The following RFX3 variants were observed in gnomAD, a reference collection of about 807,000 sequenced individuals.
RFX3 encodes the protein transcription factor RFX3.
In RFX3, 14 loss-of-function variants were observed where a neutral mutation model predicts 98.6. The ratio of observed to expected loss-of-function variants is 0.14; its 90% confidence interval spans 0.09 to 0.22. The LOEUF is 0.22. Ranked by LOEUF, RFX3 falls within the 10% of genes least tolerant of loss-of-function variation. The pLI, the probability that RFX3 is intolerant of heterozygous loss-of-function variation, is 1.00. For missense variants in RFX3, 639 were observed against 926.9 expected, an observed-to-expected ratio of 0.69 and a Z score of 4.03; for synonymous variants, 383 against 328.4, an observed-to-expected ratio of 1.17 and a Z score of -1.80.
chr9:3,484,419 G>T (rs1850073293), intron 1 of RFX3, among the ~76,000 whole-genome samples: 1 of 152,188 alleles, frequency 6.6e-6, no homozygotes, highest in Non-Finnish European at 1.5e-5. Context: ...ACAGAGAAAG[G>T]GGTGGGTAGG....
chr9:3,386,333 A>T (rs1839713343), intron 2 of RFX3, among the ~76,000 whole-genome samples: 2 of 152,106 alleles, frequency 1.3e-5, no homozygotes, highest in South Asian at 4.1e-4. Context: ...TAATAATAGT[A>T]AAAAATAATA....
intron 1 of RFX3, among the ~76,000 whole-genome samples, chr9:3,431,866 A>T (rs1190620738): frequency 2.0e-5 from 3 of 152,216 alleles, no homozygotes; most frequent in Non-Finnish European, 4.4e-5. Context: ...TCTAATGCAG[A>T]AGAAAGTGCT....
At chr9:3,388,330 AC>A (rs1223135792) in intron 2 of RFX3, among the ~76,000 whole-genome samples, 1 of 152,120 alleles carries the variant, frequency 6.6e-6, no homozygotes, top group East Asian at 1.9e-4. Context: ...ATCTTACCTT[AC>A]TTGAAGATTG....
At chr9:3,428,700 G>T (rs917975132) in intron 1 of RFX3, among the ~76,000 whole-genome samples, 1 of 152,108 alleles carries the variant, frequency 6.6e-6, no homozygotes, top group Non-Finnish European at 1.5e-5. Context: ...GGTCTTTCTA[G>T]CTATATTTAA....
chr9:3,346,790 G>C (rs1384388672), intron 2 of RFX3, 26 bp from the exon 3 acceptor site: 1 of 1,411,554 alleles, frequency 7.1e-7, no homozygotes, highest in African/African-American at 1.4e-5. Flanking sequence ...TAGGACCTTG[G>C]TAAGAGGTAG....
chr9:3,231,393 A>G (rs1244569021), intron 15 of RFX3, among the ~76,000 whole-genome samples: 2 of 152,120 alleles, frequency 1.3e-5, no homozygotes, highest in Non-Finnish European at 2.9e-5. Context: ...GATCCGCAAA[A>G]TCAGTTCACT....
chr9:3,469,797 G>A (rs556425096), intron 1 of RFX3, among the ~76,000 whole-genome samples: 2 of 150,330 alleles, frequency 1.3e-5, no homozygotes, highest in Admixed American at 1.3e-4. Flanking sequence ...AGTGAGCTGA[G>A]ATCGCGCCAC....
chr9:3,407,244 T>C (rs1182650834), intron 1 of RFX3, among the ~76,000 whole-genome samples: 1 of 152,182 alleles, frequency 6.6e-6, no homozygotes, highest in African/African-American at 2.4e-5. Context: ...TAATAATCAT[T>C]GAAACTTTCT....
intron 6 of RFX3, among the ~76,000 whole-genome samples, chr9:3,289,621 G>A (rs1014663241): frequency 2.0e-5 from 3 of 152,084 alleles, no homozygotes; most frequent in African/African-American, 7.2e-5. Context: ...ACCTCAAATA[G>A]ATGGAGTGCT....
chr9:3,463,975 A>T (rs1315324523), intron 1 of RFX3, among the ~76,000 whole-genome samples: 2 of 152,166 alleles, frequency 1.3e-5, no homozygotes, highest in South Asian at 4.1e-4. Context: ...AATAAAAAAT[A>T]GGGAAATGGT....
At chr9:3,275,357 T>G in intron 9 of RFX3, 143 bp downstream of exon 9, 1 of 477,578 alleles carries the variant, frequency 2.1e-6, no homozygotes, top group Non-Finnish European at 3.7e-6. Flanking sequence ...AGAAGAAAAA[T>G]GAATTTGTTA....
At chr9:3,481,505 T>C (rs1175979454) in intron 1 of RFX3, among the ~76,000 whole-genome samples, 3 of 151,920 alleles carry the variant, frequency 2.0e-5, no homozygotes, top group Non-Finnish European at 4.4e-5. Context: ...AAATCTAATA[T>C]TTAACCTATC....
chr9:3,246,394 G>A (rs1490551571), intron 15 of RFX3, among the ~76,000 whole-genome samples: 3 of 152,090 alleles, frequency 2.0e-5, no homozygotes, highest in Non-Finnish European at 4.4e-5. Flanking sequence ...AGGTTGCTAA[G>A]CCTTCACACT....
At chr9:3,251,149 A>C (rs909958007) in intron 14 of RFX3, among the ~76,000 whole-genome samples, 1 of 147,890 alleles carries the variant, frequency 6.8e-6, no homozygotes, top group Non-Finnish European at 1.5e-5. Flanking sequence ...GTTAAACATT[A>C]TGTTTCTGAA....
chr9:3,482,646 T>C (rs1011711074), intron 1 of RFX3, among the ~76,000 whole-genome samples: 1 of 152,220 alleles, frequency 6.6e-6, no homozygotes. Flanking sequence ...TTACATTTTA[T>C]TCCTTTTTCA....
intron 1 of RFX3, among the ~76,000 whole-genome samples, chr9:3,505,166 TTA>T (rs1816810814): frequency 1.1e-5 from 1 of 94,832 alleles, no homozygotes; most frequent in African/African-American, 4.5e-5. Flanking sequence ...GAAATATATT[TTA>T]TATTCATATA....
At chr9:3,502,455 A>G (rs1194534646) in intron 1 of RFX3, among the ~76,000 whole-genome samples, 1 of 152,204 alleles carries the variant, frequency 6.6e-6, no homozygotes, top group African/African-American at 2.4e-5. Flanking sequence ...AAACTCACTT[A>G]TATATTTCAC....
intron 1 of RFX3, among the ~76,000 whole-genome samples, chr9:3,444,434 G>T (rs1203165191): frequency 2.6e-5 from 4 of 151,510 alleles, no homozygotes; most frequent in Non-Finnish European, 5.9e-5. Flanking sequence ...GTGGGGCAGG[G>T]AGAGGCAAGA....
intron 4 of RFX3, chr9:3,324,277 G>T: frequency 5.0e-6 from 1 of 200,796 alleles, no homozygotes; most frequent in Non-Finnish European, 1.1e-5. Context: ...TGTGATTTAT[G>T]CATAATTTAT....
Sources: gnomAD v4.1 joint callset for allele counts (sites outside exome capture counted in the v4.1 genomes callset) on GRCh38, gnomAD v4.1.1 for gene constraint, MANE v1.5 for transcripts, NCBI Gene and HGNC (gene_info 2026-07-23, HGNC 2026-07-21) for gene names.